NFIB: variants seen among roughly 807,000 people sequenced by gnomAD.
NFIB encodes nuclear factor I B, also known as nuclear factor 1 B-type.
In NFIB, 11 loss-of-function variants were observed where a neutral mutation model predicts 61.5. The observed-to-expected ratio is 0.18, with a 90% CI of 0.11 to 0.30. The LOEUF (loss-of-function observed/expected upper bound fraction) is 0.30. Among genes scored for constraint, NFIB ranks in the 10% least tolerant of loss-of-function variants. The probability of loss-of-function intolerance (pLI) is 1.00; values close to 1 mark genes in which losing one functional copy is unlikely to be tolerated. For missense variants in NFIB, 471 were observed against 608.9 expected, an observed-to-expected ratio of 0.77 and a Z score of 2.38; for synonymous variants, 260 against 216.5, an observed-to-expected ratio of 1.20 and a Z score of -1.76.
the NFIB span, among the ~76,000 whole-genome samples, chr9:14,475,582 C>A: frequency 6.6e-6 from 1 of 152,142 alleles, no homozygotes; most frequent in Non-Finnish European, 1.5e-5. Flanking sequence ...GTCTTGCTGA[C>A]AGCCCGTATT....
the NFIB span, among the ~76,000 whole-genome samples, chr9:14,467,507 C>A: frequency 5.3e-5 from 8 of 152,162 alleles, no homozygotes; most frequent in Non-Finnish European, 1.0e-4. Flanking sequence ...GTCTCATTAA[C>A]AGCTCTTACT....
At chr9:14,322,528 G>A (rs1418586929) in intron 1 of NFIB, among the ~76,000 whole-genome samples, 1 of 152,078 alleles carries the variant, frequency 6.6e-6, no homozygotes. Flanking sequence ...CCCGGCCCGC[G>A]CTCCTCCTGC....
At chr9:14,433,417 A>T in the NFIB span, among the ~76,000 whole-genome samples, 1 of 152,206 alleles carries the variant, frequency 6.6e-6, no homozygotes, top group Non-Finnish European at 1.5e-5. Context: ...ATGATGCAGG[A>T]AAGTTAAATT....
chr9:14,530,184 A>C, the NFIB span, among the ~76,000 whole-genome samples: 2 of 152,210 alleles, frequency 1.3e-5, no homozygotes, highest in African/African-American at 4.8e-5. Context: ...GGTAACTATT[A>C]AAACATCACT....
chr9:14,233,048 C>G (rs1283228533), intron 2 of NFIB, among the ~76,000 whole-genome samples: 2 of 152,114 alleles, frequency 1.3e-5, no homozygotes, highest in East Asian at 3.9e-4. Flanking sequence ...TAGGATAGAG[C>G]AAAAAGTCAC....
At chr9:14,366,224 G>A (rs534756578) in intron 1 of NFIB, among the ~76,000 whole-genome samples, 8 of 152,232 alleles carry the variant, frequency 5.3e-5, no homozygotes, top group African/African-American at 1.4e-4. Context: ...GTTGCATTAC[G>A]CATACCAGAA....
the NFIB span, among the ~76,000 whole-genome samples, chr9:14,484,332 A>G: frequency 6.6e-6 from 1 of 152,282 alleles, no homozygotes; most frequent in African/African-American, 2.4e-5. Flanking sequence ...AACTGAATAG[A>G]TTTAACTCTT....
At chr9:14,434,608 G>C in the NFIB span, among the ~76,000 whole-genome samples, 1 of 152,146 alleles carries the variant, frequency 6.6e-6, no homozygotes, top group African/African-American at 2.4e-5. Context: ...CTCCCCGCCA[G>C]AATAGCTATA....
At chr9:14,277,118 GA>G (rs1380653015) in intron 2 of NFIB, among the ~76,000 whole-genome samples, 5 of 152,008 alleles carry the variant, frequency 3.3e-5, no homozygotes, top group South Asian at 4.1e-4. Context: ...ATTTTGAGGA[GA>G]TTTTTTTTAA....
intron 10 of NFIB, among the ~76,000 whole-genome samples, chr9:14,098,501 TCTGA>T (rs1183018815): frequency 6.6e-6 from 1 of 152,254 alleles, no homozygotes; most frequent in South Asian, 2.1e-4. Flanking sequence ...CAGGCTATAT[TCTGA>T]CTATCACTTT....
rs186700574 is a variant in NFIB, at chr9:14,332,466, T to A, written c.109-24946A>T. Among the ~76,000 whole-genome samples, 457 of 152,260 alleles carry A rather than the reference T, an allele frequency of 3.0e-3. 2 individuals are homozygous for A. Among genetic ancestry groups the A allele is most frequent in the Non-Finnish European group, 5.4e-3 (366 of 68,026 alleles). ...TTTATCTCAAGGTTGCTTTTAGGTT[T>A]TTCCTAGAAAGGTAAGAAATTTAAC... On this transcript the variant is annotated intron_variant, in intron 1 of 8. Transcript: ENST00000380934.
chr9:14,349,185 C>G (rs2061074140), intron 1 of NFIB, among the ~76,000 whole-genome samples: 1 of 152,168 alleles, frequency 6.6e-6, no homozygotes, highest in South Asian at 2.1e-4. Flanking sequence ...TTTGAGCAGT[C>G]TTTGTAGCCT....
In NFIB at chr9:14,179,771, T is replaced by G; in HGVS notation, c.572A>C (p.Gln191Pro). 2 of 1,613,422 alleles carry G rather than the reference T, an allele frequency of 1.2e-6. No homozygotes were observed. The highest frequency in any genetic ancestry group is 2.2e-5 in the South Asian group (2 of 91,008). The stretch of plus-strand genomic sequence containing the variant: ...ATCATTGTGGCTTGGACTTCCTGAT[T>G]GTCCAGAATCTGTAAAGAAATCACA... ...AYYVQEQDSG[Q>P]SGSPSHNDPA... Residue 191 changes from glutamine to proline, a missense_variant, in exon 3 of 11, where the codon CAA (glutamine) becomes CCA (proline). Gln to Pro is a moderately conservative substitution (Grantham distance 76). Coordinates refer to ENST00000380953, the MANE Select transcript of NFIB (RefSeq NM_001190737.2).
At chr9:14,146,448 G>A (rs1216444867) in intron 6 of NFIB, among the ~76,000 whole-genome samples, 2 of 151,882 alleles carry the variant, frequency 1.3e-5, no homozygotes, top group Non-Finnish European at 1.5e-5. Flanking sequence ...ATAATTGTGG[G>A]TTCTAAAATA....
intron 2 of NFIB, among the ~76,000 whole-genome samples, chr9:14,255,420 G>C (rs543362064): frequency 6.6e-5 from 10 of 152,148 alleles, no homozygotes; most frequent in Non-Finnish European, 1.2e-4. Context: ...CAATGACTGT[G>C]AGCATCTGAC....
the NFIB span, among the ~76,000 whole-genome samples, chr9:14,436,307 C>G: frequency 6.6e-6 from 1 of 152,238 alleles, no homozygotes; most frequent in African/African-American, 2.4e-5. Flanking sequence ...GAACATCACT[C>G]AGGACTTCCA....
At chr9:14,092,364 T>C (rs1321780312) in intron 10 of NFIB, among the ~76,000 whole-genome samples, 1 of 152,082 alleles carries the variant, frequency 6.6e-6, no homozygotes, top group East Asian at 1.9e-4. Flanking sequence ...TTACATATGC[T>C]ACACCACTTA....
intron 2 of NFIB, among the ~76,000 whole-genome samples, chr9:14,217,003 A>C (rs999186818): frequency 6.6e-6 from 1 of 152,234 alleles, no homozygotes; most frequent in Admixed American, 6.5e-5. Context: ...ATAATGTTTG[A>C]ACAGTGTCTA....
intron 6 of NFIB, among the ~76,000 whole-genome samples, chr9:14,137,333 A>G (rs2131007320): frequency 6.6e-6 from 1 of 152,332 alleles, no homozygotes; most frequent in East Asian, 1.9e-4. Context: ...AAAGCAAAAT[A>G]TACGGGGCCT....
Sources: allele counts gnomAD v4.1 joint callset (sites outside exome capture counted in the v4.1 genomes callset), GRCh38; gene constraint gnomAD v4.1.1; transcripts MANE v1.5; gene names NCBI Gene and HGNC (gene_info 2026-07-23, HGNC 2026-07-21).